Variants in ADARB2 observed in about 807,000 individuals in gnomAD.
ADARB2 encodes the protein adenosine deaminase RNA specific B2 (inactive).
A neutral mutation model predicts 62.2 loss-of-function variants in ADARB2; 25 were observed. That is an observed-to-expected ratio of 0.40 (90% CI 0.29 to 0.56). ADARB2 has a LOEUF of 0.56. Ranked by LOEUF, ADARB2 falls within the 20% of genes least tolerant of loss-of-function variation. The pLI is 0.43. For missense variants in ADARB2, 1,071 were observed against 1,077.4 expected (o/e 0.99, Z 0.08); for synonymous variants, 572 against 500.8 (o/e 1.14, Z -1.90).
chr10:1,629,339 C>T (rs1833813973), intron 1 of ADARB2, among the ~76,000 whole-genome samples: 1 of 152,138 alleles, frequency 6.6e-6, no homozygotes, highest in Non-Finnish European at 1.5e-5. Context: ...CCTAGCCATG[C>T]TGTCCCCTGG....
chr10:1,200,475 A>T lies in ADARB2; in HGVS notation c.1683-328T>A, dbSNP rs1416973011. On this transcript the variant is annotated intron_variant, in intron 7 of 9. Coordinates refer to ENST00000381312, the MANE Select transcript of ADARB2 (RefSeq NM_018702.4). ...AAAAGATACTCTGTCCCAAAAGTGA[A>T]TCTGAATTTTTCTTTATATTAGCTG... 3 of 456,788 alleles carry T rather than the reference A, an allele frequency of 6.6e-6. No homozygotes were observed. The Admixed American group carries it at 1.2e-4, about 19-fold the overall frequency. 28.3% of individuals were successfully genotyped at this position (456,788 alleles called of 1,614,324 possible).
chr10:1,711,363 A>C (rs552570727), intron 1 of ADARB2, among the ~76,000 whole-genome samples: 28 of 152,332 alleles, frequency 1.8e-4, no homozygotes, highest in African/African-American at 6.5e-4. Context: ...TGCTGAGGTC[A>C]CAGCTCTGAA....
rs369719654 is a variant in ADARB2 at position 1,566,630 on chromosome 10, A to G, written c.100+170421T>C. ...GCAGATGGCAGATTCAATGAGAGAA[A>G]TTGCAACTCAAATCATTAGTTAAAA... On this transcript the variant is annotated intron_variant, in intron 1 of 9. Transcript: ENST00000381312. Among the ~76,000 whole-genome samples, 5 of 152,380 alleles carry G rather than the reference A, an allele frequency of 3.3e-5. No homozygotes were observed. In the South Asian group the frequency reaches 6.2e-4, roughly 19 times the overall value.
chr10:1,475,686 A>G (rs1228315114), intron 1 of ADARB2, among the ~76,000 whole-genome samples: 2 of 152,210 alleles, frequency 1.3e-5, no homozygotes, highest in African/African-American at 4.8e-5. Flanking sequence ...TATTATGAGA[A>G]TTCTATGAAC....
At chr10:1,574,149 G>A (rs1209801268) in intron 1 of ADARB2, among the ~76,000 whole-genome samples, 1 of 152,196 alleles carries the variant, frequency 6.6e-6, no homozygotes, top group African/African-American at 2.4e-5. Flanking sequence ...TCCCAGCTGA[G>A]CCGTCTGCTG....
chr10:1,288,302 C>T (rs1228885616), intron 3 of ADARB2, among the ~76,000 whole-genome samples: 1 of 152,244 alleles, frequency 6.6e-6, no homozygotes, highest in African/African-American at 2.4e-5. Context: ...CTACATAAAG[C>T]AGCCTAGAAT....
intron 1 of ADARB2, among the ~76,000 whole-genome samples, chr10:1,687,657 C>CA (rs111991667): frequency 0.1 from 14,549 of 141,444 alleles, 756 homozygotes; most frequent in East Asian, 0.13. Context: ...TTTTTTTCTG[C>CA]AAAAAAAAAA....
At chr10:1,372,042 C>T (rs1011859897) in intron 2 of ADARB2, among the ~76,000 whole-genome samples, 2 of 152,108 alleles carry the variant, frequency 1.3e-5, no homozygotes, top group African/African-American at 4.8e-5. Flanking sequence ...TTGACAATAG[C>T]AAAGACATGT....
chr10:1,290,404 G>A (rs4880810), intron 3 of ADARB2: 91,246 of 152,160 alleles, frequency 0.6, 28,113 homozygotes, highest in East Asian at 0.99. Flanking sequence ...GCCAGATGCT[G>A]GGGTCCCCAG....
In ADARB2 at chr10:1,448,333, T is replaced by A. The variant is rs557830700; in HGVS notation, c.101-69173A>T. Among the ~76,000 whole-genome samples the A allele has an allele frequency of 2.0e-4, 31 of 152,326 alleles. No individual in the cohort carries two copies. In the South Asian group the frequency reaches 6.2e-3, roughly 31 times the overall value. On this transcript the variant is annotated intron_variant, in intron 1 of 9. Coordinates refer to ENST00000381312, the MANE Select transcript of ADARB2 (RefSeq NM_018702.4). Reference sequence around the variant, plus strand: ...CCCTTTGATATTTAAATGTTAAGTGTCTACTCCAAAGTGAACATGGGTTTT... The same window carrying A: ...CCCTTTGATATTTAAATGTTAAGTGACTACTCCAAAGTGAACATGGGTTTT...
chr10:1,705,441 C>T (rs1213853896), intron 1 of ADARB2, among the ~76,000 whole-genome samples: 1 of 152,118 alleles, frequency 6.6e-6, no homozygotes, highest in Non-Finnish European at 1.5e-5. Context: ...ACCGGAGCCC[C>T]AGGGCAGCAG....
At chr10:1,265,542 G>GA (rs1306905365) in intron 4 of ADARB2, among the ~76,000 whole-genome samples, 4 of 151,288 alleles carry the variant, frequency 2.6e-5, no homozygotes, top group South Asian at 2.1e-4. Flanking sequence ...GACGCCCTGA[G>GA]CGGGGGCCCA....
chr10:1,295,255 A>T (rs58248338), intron 3 of ADARB2, among the ~76,000 whole-genome samples: 3,878 of 152,186 alleles, frequency 0.025, 161 homozygotes, highest in African/African-American at 0.087. Flanking sequence ...TGTGGGAGAG[A>T]AACATCAGAG....
At chr10:1,660,152 C>T (rs1332483026) in intron 1 of ADARB2, among the ~76,000 whole-genome samples, 4 of 152,266 alleles carry the variant, frequency 2.6e-5, no homozygotes, top group Admixed American at 6.5e-5. Flanking sequence ...CCTCCTCCAT[C>T]GCCCCCTTCC....
intron 1 of ADARB2, among the ~76,000 whole-genome samples, chr10:1,489,017 G>A (rs997219792): frequency 2.0e-5 from 3 of 152,254 alleles, no homozygotes; most frequent in African/African-American, 7.2e-5. Flanking sequence ...GGGGGCACAG[G>A]CTCCTGGCCG....
chr10:1,503,050 C>T (rs886527101), intron 1 of ADARB2, among the ~76,000 whole-genome samples: 5 of 152,186 alleles, frequency 3.3e-5, no homozygotes, highest in South Asian at 2.1e-4. Context: ...CCTAAACACA[C>T]GTATCATATG....
At chr10:1,587,272 T>A (rs1409223355) in intron 1 of ADARB2, among the ~76,000 whole-genome samples, 1 of 152,160 alleles carries the variant, frequency 6.6e-6, no homozygotes, top group Non-Finnish European at 1.5e-5. Flanking sequence ...TCCAGAGATG[T>A]AAGTCGGGTT....
At position 1,633,549 on chromosome 10, in the gene ADARB2, CATCTATCTATCTATCTATCTATCT is replaced by C. The variant is rs57536419; in HGVS notation, c.100+103478_100+103501del. On this transcript the variant is annotated intron_variant, in intron 1 of 9. Coordinates refer to ENST00000381312, the MANE Select transcript of ADARB2 (RefSeq NM_018702.4). ...TCTGTCTGTCTGTCTGTCTATCTAT[CATCTATCTATCTATCTATCTATCT>C]ATCTATCTATCTATCTATCTATCTA... is the stretch of plus-strand genomic sequence containing the variant. 5.0e-4 allele frequency among the ~76,000 whole-genome samples: 51 copies of C among 101,706 alleles called. 1 individual carries two copies. Among genetic ancestry groups the C allele is most frequent in the South Asian group, 1.7e-3 (5 of 2,868 alleles). 66.7% of individuals were successfully genotyped at this position (101,706 alleles called of 152,430 possible).
In ADARB2 at chr10:1,477,031, A is replaced by T. The variant is rs991984943; in HGVS notation, c.101-97871T>A. Reference sequence around the variant, plus strand: ...GTGGCAAATCATGATGACTCTCCCCAGATCCCCACCTGGCCTACGATCCAA... The same window carrying T: ...GTGGCAAATCATGATGACTCTCCCCTGATCCCCACCTGGCCTACGATCCAA... On this transcript the variant is annotated intron_variant, in intron 1 of 9. Transcript: ENST00000381312. This position sits in a 1 kb window ranked among gnomAD's most constrained non-coding sequence, Gnocchi z 4.5. Among the ~76,000 whole-genome samples, 1 of 152,042 alleles carries T rather than the reference A, an allele frequency of 6.6e-6. No homozygotes were observed. The highest frequency in any genetic ancestry group is 1.5e-5 in the Non-Finnish European group (1 of 68,000).
Sources: allele counts gnomAD v4.1 joint callset (sites outside exome capture counted in the v4.1 genomes callset), GRCh38; gene constraint gnomAD v4.1.1; non-coding constraint Gnocchi (gnomAD v3.1); transcripts MANE v1.5; gene names NCBI Gene and HGNC (gene_info 2026-07-23, HGNC 2026-07-21).